The following TLK1 variants were observed in gnomAD, a reference collection of about 807,000 sequenced individuals.
TLK1 encodes the protein serine/threonine-protein kinase tousled-like 1.
A neutral mutation model predicts 105.3 loss-of-function variants in TLK1; 24 were observed. That is an observed-to-expected ratio of 0.23 (90% CI 0.17 to 0.32). The LOEUF (loss-of-function observed/expected upper bound fraction) is 0.32, where lower values mean the gene tolerates loss of function less well. Ranked by LOEUF, TLK1 falls within the 10% of genes least tolerant of loss-of-function variation. The pLI is 1.00. For missense variants in TLK1, 558 were observed against 910.5 expected, an observed-to-expected ratio of 0.61 and a Z score of 4.98; for synonymous variants, 321 against 310.4, an observed-to-expected ratio of 1.03 and a Z score of -0.36.
chr2:171,014,424 C>T (rs935088015), intron 13 of TLK1, among the ~76,000 whole-genome samples: 1 of 151,198 alleles, frequency 6.6e-6, no homozygotes. Context: ...TGGTTTTGAA[C>T]TCCTGGCCAA....
intron 18 of TLK1, among the ~76,000 whole-genome samples, chr2:171,003,400 T>G (rs955128614): frequency 6.6e-6 from 1 of 152,164 alleles, no homozygotes; most frequent in Admixed American, 6.5e-5. Flanking sequence ...TCATTTATCT[T>G]GGAATGGTGG....
chr2:171,066,853 T>C, intron 3 of TLK1: 1 of 1,551,994 alleles, frequency 6.4e-7, no homozygotes, highest in Non-Finnish European at 8.7e-7. Context: ...TTGCCAGTAG[T>C]TTTCAAATCA....
At chr2:171,201,605 G>T (rs1477650061) in intron 1 of TLK1, among the ~76,000 whole-genome samples, 2 of 152,182 alleles carry the variant, frequency 1.3e-5, no homozygotes, top group African/African-American at 4.8e-5. Context: ...TAACCATTGA[G>T]AATTTTCCTC....
At chr2:171,193,637 G>C (rs1356135610) in intron 1 of TLK1, among the ~76,000 whole-genome samples, 1 of 148,254 alleles carries the variant, frequency 6.7e-6, no homozygotes, top group African/African-American at 2.5e-5. Flanking sequence ...TCCTGACCTC[G>C]TGATCCGCCC....
In TLK1 at chr2:171,160,305, C is replaced by A; in HGVS notation, c.124G>T (p.Gly42Trp). The A allele has an allele frequency of 6.3e-7, 1 of 1,585,514 alleles. No homozygotes were observed. Among genetic ancestry groups the A allele is most frequent in the Non-Finnish European group, 8.6e-7 (1 of 1,168,914 alleles). The change falls in exon 1 of 21, where the codon GGG becomes TGG. Residue 42 changes from glycine (G) to tryptophan (W), a missense_variant. Transcript: ENST00000431350. This position sits in a 1 kb window ranked among gnomAD's most constrained non-coding sequence, Gnocchi z 4.4. The stretch of plus-strand genomic sequence containing the variant: ...CGGTGCTTACCTTCCCTGGGCCTCC[C>A]GGATGGCGGCGTGTGATTCAGCAGG... ...RSLLNHTPPS[G>W]RPREGAMDEL...
At chr2:171,143,144 G>A (rs748618126) in intron 1 of TLK1, among the ~76,000 whole-genome samples, 3 of 152,212 alleles carry the variant, frequency 2.0e-5, no homozygotes, top group Non-Finnish European at 4.4e-5. Context: ...GGTCAGTAGT[G>A]ACAAACTTTA....
chr2:171,148,934 CGTGTGT>C lies in TLK1; in HGVS notation c.139+11350_139+11355del, dbSNP rs544756617. On this transcript the variant is annotated intron_variant, in intron 1 of 20. Coordinates refer to ENST00000431350, the MANE Select transcript of TLK1 (RefSeq NM_012290.5). ...ATATGTGTGTGTGTGTGTGCGTGTG[CGTGTGT>C]GTGTATGTGCGATATATATATATAT... Among the ~76,000 whole-genome samples the C allele has an allele frequency of 6.9e-4, 94 of 136,448 alleles. 1 individual carries two copies. In the East Asian group the frequency reaches 0.016, roughly 24 times the overall value. The allele number at this position is 136,448 out of a possible 152,430, so 89.5% of individuals were successfully genotyped here.
At chr2:171,004,145 C>T (rs2081769) in intron 18 of TLK1, among the ~76,000 whole-genome samples, 145,534 of 152,132 alleles carry the variant, frequency 0.96, 69,897 homozygotes, top group East Asian at 1. Context: ...GTATTTTTAG[C>T]AGAGACGAGG....
intron 8 of TLK1, among the ~76,000 whole-genome samples, chr2:171,052,153 G>C (rs1386014345): frequency 1.3e-5 from 2 of 152,072 alleles, no homozygotes; most frequent in Non-Finnish European, 2.9e-5. Context: ...CTAGCTACTT[G>C]GGAGCCTGAG....
At chr2:171,068,671 T>G (rs1353805376) in intron 3 of TLK1, among the ~76,000 whole-genome samples, 1 of 152,172 alleles carries the variant, frequency 6.6e-6, no homozygotes, top group Non-Finnish European at 1.5e-5. Flanking sequence ...TCATCAGGAT[T>G]AGGAACAGTC....
At chr2:171,209,476 A>G (rs1051048400) in intron 1 of TLK1, among the ~76,000 whole-genome samples, 1 of 152,220 alleles carries the variant, frequency 6.6e-6, no homozygotes, top group Admixed American at 6.5e-5. Context: ...GGGTAAGAAA[A>G]GCAGGTTATA....
chr2:171,117,019 T>C (rs1008380419), intron 2 of TLK1, among the ~76,000 whole-genome samples: 1 of 152,172 alleles, frequency 6.6e-6, no homozygotes, highest in Non-Finnish European at 1.5e-5. Flanking sequence ...GTAGACAATC[T>C]GGGTCTATCA....
intron 3 of TLK1, among the ~76,000 whole-genome samples, chr2:171,073,951 T>C (rs1688382201): frequency 2.1e-5 from 3 of 139,958 alleles, no homozygotes; most frequent in African/African-American, 7.8e-5. Flanking sequence ...AGTGCAGTGG[T>C]GCAATCTCGG....
At chr2:171,073,155 G>A (rs1014416357) in intron 3 of TLK1, among the ~76,000 whole-genome samples, 1 of 151,980 alleles carries the variant, frequency 6.6e-6, no homozygotes, top group Non-Finnish European at 1.5e-5. Flanking sequence ...TATATAATCT[G>A]CAAACAAGGA....
chr2:171,199,694 TG>T (rs1575656322), intron 1 of TLK1, among the ~76,000 whole-genome samples: 1 of 152,118 alleles, frequency 6.6e-6, no homozygotes, highest in African/African-American at 2.4e-5. Flanking sequence ...TCCCTTTTGC[TG>T]GGGAAAAACT....
At chr2:171,207,646 T>C (rs1459146533) in intron 1 of TLK1, among the ~76,000 whole-genome samples, 2 of 152,166 alleles carry the variant, frequency 1.3e-5, no homozygotes, top group Admixed American at 1.3e-4. Context: ...TCTTTATACT[T>C]TCTGTTTGAT....
chr2:171,161,404 A>G (rs1296653018), upstream of TLK1, among the ~76,000 whole-genome samples: 3 of 152,130 alleles, frequency 2.0e-5, no homozygotes, highest in African/African-American at 7.2e-5. Flanking sequence ...GCCCCTCTGT[A>G]CTGTGCAGAA....
chr2:171,129,761 T>C (rs536778170), intron 1 of TLK1, among the ~76,000 whole-genome samples: 2 of 151,890 alleles, frequency 1.3e-5, no homozygotes, highest in Non-Finnish European at 2.9e-5. Flanking sequence ...GCCCAGGAAG[T>C]AGAGGCTGTG....
intron 2 of TLK1, among the ~76,000 whole-genome samples, chr2:171,094,278 C>A (rs1468434957): frequency 6.6e-6 from 1 of 151,980 alleles, no homozygotes; most frequent in Non-Finnish European, 1.5e-5. Context: ...GTAGAATCAT[C>A]CCGTTAACAT....
Sources: gnomAD v4.1 joint callset for allele counts (sites outside exome capture counted in the v4.1 genomes callset) on GRCh38, gnomAD v4.1.1 for gene constraint, Gnocchi (gnomAD v3.1) non-coding constraint, MANE v1.5 for transcripts, NCBI Gene and HGNC (gene_info 2026-07-23, HGNC 2026-07-21) for gene names.